ATP9B: variants seen among roughly 807,000 people sequenced by gnomAD.
The protein encoded by ATP9B is probable phospholipid-transporting ATPase IIB.
ATP9B carries 110 observed loss-of-function variants against 146.1 expected under a neutral mutation model. The ratio of observed to expected loss-of-function variants is 0.75; its 90% CI spans 0.65 to 0.88. ATP9B has a LOEUF of 0.88. Ranked by LOEUF, ATP9B falls within the 40% of genes least tolerant of loss-of-function variation. The probability of loss-of-function intolerance (pLI) is 0.00; values close to 1 mark genes in which losing one functional copy is unlikely to be tolerated. For missense variants in ATP9B, 1,499 were observed against 1,496.4 expected (o/e 1.00, Z -0.03); for synonymous variants, 604 against 569.7 (o/e 1.06, Z -0.86).
rs986777336 is a variant in ATP9B at position 79,285,889 on chromosome 18, G to T, written c.1411+8693G>T. Among the ~76,000 whole-genome samples the T allele has an allele frequency of 2.8e-3, 421 of 150,874 alleles. 1 individual carries two copies. The highest frequency in any genetic ancestry group is 9.7e-3 in the African/African-American group (399 of 41,146). ...TTAAATAGGGAATCCTTTCCCCATT[G>T]CTTGTTTTTCTCAGGTTTGTCAAAG... On this transcript the variant is annotated intron_variant, in intron 13 of 29. Transcript: ENST00000426216.
At chr18:79,269,851 T>A (rs2096238674) in intron 12 of ATP9B, among the ~76,000 whole-genome samples, 1 of 152,254 alleles carries the variant, frequency 6.6e-6, no homozygotes, top group Non-Finnish European at 1.5e-5. Context: ...GCAGGCTCAC[T>A]GGCCTGCGCC....
chr18:79,373,491 C>CT (rs59813494), intron 27 of ATP9B, among the ~76,000 whole-genome samples: 1,518 of 127,760 alleles, frequency 0.012, 26 homozygotes, highest in African/African-American at 0.032. Context: ...CATTATCCGC[C>CT]TTTTTTTTTT....
At chr18:79,252,958 T>C in intron 11 of ATP9B, among the ~76,000 whole-genome samples, 1 of 152,242 alleles carries the variant, frequency 6.6e-6, no homozygotes, top group East Asian at 1.9e-4. Context: ...GGCATGGTCA[T>C]GGCGTAGCAC....
At chr18:79,262,399 A>G (rs1234634125) in intron 12 of ATP9B, among the ~76,000 whole-genome samples, 1 of 150,846 alleles carries the variant, frequency 6.6e-6, no homozygotes. Flanking sequence ...GAAATAAAAC[A>G]AAGTTTTATT....
intron 22 of ATP9B, 51 bp from the exon 23 acceptor site, chr18:79,345,724 A>G (rs377764514): frequency 1.2e-6 from 2 of 1,608,894 alleles, no homozygotes; most frequent in African/African-American, 2.7e-5. Flanking sequence ...AAAAATGAAA[A>G]ACGTGATGAT....
chr18:79,102,717 A>G lies in ATP9B; in HGVS notation c.293+6068A>G, dbSNP rs953794366. Among the ~76,000 whole-genome samples the G allele has an allele frequency of 3.9e-5, 6 of 152,240 alleles. No homozygotes were observed. In the South Asian group the frequency reaches 1.0e-3, roughly 26 times the overall value. The stretch of plus-strand genomic sequence containing the variant: ...TTGTGTTGAACCTATATATTTTATT[A>G]GTTTGGGGGGGATTGACATGTTTCC... On this transcript the variant is annotated intron_variant, in intron 2 of 29. Transcript: ENST00000426216.
chr18:79,231,405 C>T (rs906579687), intron 11 of ATP9B, among the ~76,000 whole-genome samples: 1 of 152,080 alleles, frequency 6.6e-6, no homozygotes, highest in Non-Finnish European at 1.5e-5. Context: ...TGTGCAACAT[C>T]ACGAATTATC....
chr18:79,307,477 TG>T (rs2096626228), intron 15 of ATP9B: 1 of 526,134 alleles, frequency 1.9e-6, no homozygotes, highest in Admixed American at 3.5e-5. Flanking sequence ...CACCCAGGGC[TG>T]GTCACAGGGA....
In ATP9B at chr18:79,337,438, G is replaced by T. The variant is rs554790401; in HGVS notation, c.2272G>T (p.Ala758Ser). The change falls in exon 19 of 30, where the codon GCC (alanine) becomes TCC (serine). Residue 758 changes from alanine (A) to serine (S), a missense_variant. Ala to Ser is a moderately conservative substitution (Grantham distance 99). Transcript: ENST00000426216. Reference sequence around the variant, plus strand: ...GCCCACGCTGGAGATGCTGCGCAACGCCGGGATCAAGGTACTGCAGGCTCA... The same window carrying T: ...GCCCACGCTGGAGATGCTGCGCAACTCCGGGATCAAGGTACTGCAGGCTCA... ...VRPTLEMLRNAGIKIWMLTGD... is the reference protein window; with the variant it reads ...VRPTLEMLRNSGIKIWMLTGD... 6 of 1,610,758 alleles carry T rather than the reference G, an allele frequency of 3.7e-6. No individual in the cohort carries two copies. The highest frequency in any genetic ancestry group is 8.5e-7 in the Non-Finnish European group (1 of 1,179,790).
chr18:79,072,016 C>G (rs1233191953), intron 1 of ATP9B, among the ~76,000 whole-genome samples: 1 of 149,394 alleles, frequency 6.7e-6, no homozygotes, highest in Non-Finnish European at 1.5e-5. Context: ...ATTTGGATTT[C>G]CAGTGTTAAG....
At chr18:79,265,239 G>A (rs944681536) in intron 12 of ATP9B, among the ~76,000 whole-genome samples, 7 of 152,116 alleles carry the variant, frequency 4.6e-5, no homozygotes, top group African/African-American at 1.2e-4. Flanking sequence ...ATGTTCCTGC[G>A]AAGGACATGA....
At chr18:79,281,755 G>A (rs1214249705) in intron 13 of ATP9B, among the ~76,000 whole-genome samples, 1 of 152,178 alleles carries the variant, frequency 6.6e-6, no homozygotes, top group Non-Finnish European at 1.5e-5. Flanking sequence ...CAGGTGCAGT[G>A]GCTCATGCCA....
intron 1 of ATP9B, among the ~76,000 whole-genome samples, chr18:79,088,433 G>A (rs1450977139): frequency 1.3e-5 from 2 of 152,146 alleles, no homozygotes; most frequent in African/African-American, 2.4e-5. Flanking sequence ...CATTTTAAGG[G>A]AAAATATTAT....
chr18:79,185,030 G>A (rs1447257657), intron 8 of ATP9B, among the ~76,000 whole-genome samples: 1 of 152,008 alleles, frequency 6.6e-6, no homozygotes, highest in Non-Finnish European at 1.5e-5. Context: ...GTCGGTACAT[G>A]TTTCCATTAA....
At chr18:79,213,917 C>A in intron 10 of ATP9B, 45 bp from the exon 11 acceptor site, 1 of 1,352,654 alleles carries the variant, frequency 7.4e-7, no homozygotes, top group South Asian at 1.3e-5. Context: ...ATCTTTTACT[C>A]ATCTTTAAAG....
chr18:79,071,398 C>CTTTTTTT (rs747150962), intron 1 of ATP9B, among the ~76,000 whole-genome samples: 17 of 22,406 alleles, frequency 7.6e-4, no homozygotes, highest in South Asian at 3.1e-3. Context: ...TATTGTTCTT[C>CTTTTTTT]CTTTTTTTTT....
intron 4 of ATP9B, among the ~76,000 whole-genome samples, chr18:79,124,685 A>G (rs562911255): frequency 6.6e-6 from 1 of 152,348 alleles, no homozygotes; most frequent in Non-Finnish European, 1.5e-5. Context: ...GTGGGGGACA[A>G]GGCTAGAGAT....
At chr18:79,154,435 T>G (rs535204590) in intron 6 of ATP9B, 69 bp from the exon 7 acceptor site, 4 of 1,096,842 alleles carry the variant, frequency 3.6e-6, no homozygotes, top group Admixed American at 5.6e-5. Flanking sequence ...TATTTCTTAT[T>G]TGGAATGGAA....
chr18:79,374,548 G>A (rs12605504), intron 28 of ATP9B, among the ~76,000 whole-genome samples: 2,595 of 102,236 alleles, frequency 0.025, 41 homozygotes, highest in East Asian at 0.089. Flanking sequence ...GCTGAGCCCC[G>A]TCGGTCACTG....
Sources: gnomAD v4.1 joint callset for allele counts (sites outside exome capture counted in the v4.1 genomes callset) on GRCh38, gnomAD v4.1.1 for gene constraint, MANE v1.5 for transcripts, NCBI Gene and HGNC (gene_info 2026-07-23, HGNC 2026-07-21) for gene names.